The following SYNRG variants were observed in gnomAD, a reference collection of about 807,000 sequenced individuals.
SYNRG encodes the protein AP1 gamma subunit binding protein 1.
A neutral mutation model predicts 130.9 loss-of-function variants in SYNRG; 37 were observed. The ratio of observed to expected loss-of-function variants is 0.28; its 90% CI spans 0.22 to 0.37. SYNRG has a LOEUF of 0.37. SYNRG is among the 10% of genes least tolerant of loss of function. The probability of loss-of-function intolerance (pLI) is 1.00; values close to 1 mark genes in which losing one functional copy is unlikely to be tolerated. For synonymous variants in SYNRG, 539 were observed against 568.1 expected, an observed-to-expected ratio of 0.95 and a Z score of 0.73; for missense variants, 1,338 against 1,588.9, an observed-to-expected ratio of 0.84 and a Z score of 2.68.
chr17:37,522,434 G>A (rs1254085531), intron 19 of SYNRG, among the ~76,000 whole-genome samples: 3 of 152,038 alleles, frequency 2.0e-5, no homozygotes, highest in South Asian at 2.1e-4. Flanking sequence ...TTACAGGCAT[G>A]AGCCACTGTG....
intron 1 of SYNRG, among the ~76,000 whole-genome samples, chr17:37,602,741 G>C (rs560845140): frequency 2.6e-5 from 4 of 151,884 alleles, no homozygotes; most frequent in Non-Finnish European, 5.9e-5. Context: ...GAGCAAAAGG[G>C]GGCCAGATGA....
At chr17:37,560,400 A>T (rs1464318310) in intron 13 of SYNRG, among the ~76,000 whole-genome samples, 3 of 147,088 alleles carry the variant, frequency 2.0e-5, no homozygotes, top group Non-Finnish European at 4.4e-5. Context: ...CAGTGGCATG[A>T]TCTTGGTTCA....
chr17:37,573,812 T>C (rs1026691700), intron 8 of SYNRG, among the ~76,000 whole-genome samples: 4 of 152,200 alleles, frequency 2.6e-5, no homozygotes, highest in Non-Finnish European at 5.9e-5. Flanking sequence ...AAAATGTCCA[T>C]AGTACCCAAA....
chr17:37,600,688 TGA>T (rs373039192), intron 1 of SYNRG: 9 of 529,834 alleles, frequency 1.7e-5, no homozygotes, highest in African/African-American at 7.7e-5. Flanking sequence ...ATCTATAAAA[TGA>T]GAGAGTTTAG....
rs2060386761 is a variant in SYNRG, at chr17:37,570,946, G to A, written c.1099-61C>T. 3.9e-6 allele frequency: 6 copies of A among 1,530,672 alleles called. No homozygotes were observed. The South Asian group carries it at 5.1e-5, about 13-fold the overall frequency. The allele number at this position is 1,530,672 out of a possible 1,614,324, so 94.8% of individuals were successfully genotyped here. ...GTAAACCACATACGGTCGAAATCTG[G>A]CAGAGACCGAAAGGTAAAAAAATCT... On this transcript the variant is annotated intron_variant, in intron 9 of 21. Coordinates refer to ENST00000612223, the MANE Select transcript of SYNRG (RefSeq NM_007247.6).
intron 6 of SYNRG, among the ~76,000 whole-genome samples, chr17:37,580,538 G>A (rs1373758851): frequency 1.9e-5 from 2 of 106,514 alleles, no homozygotes; most frequent in African/African-American, 3.6e-5. Flanking sequence ...AGAGAGAGAC[G>A]GAGTCTTGCT....
intron 13 of SYNRG, among the ~76,000 whole-genome samples, chr17:37,557,748 G>A (rs1317080773): frequency 2.0e-5 from 3 of 152,080 alleles, no homozygotes; most frequent in Non-Finnish European, 4.4e-5. Flanking sequence ...CACTTGGGAC[G>A]GAGGCTGAGG....
At chr17:37,581,274 CTATTATTAT>C (rs34565960) in intron 6 of SYNRG, among the ~76,000 whole-genome samples, 1 of 149,522 alleles carries the variant, frequency 6.7e-6, no homozygotes, top group Non-Finnish European at 1.5e-5. Flanking sequence ...ATTATTATTA[CTATTATTAT>C]TATTATTATT....
At chr17:37,606,492 G>A (rs1462834561) in intron 1 of SYNRG, among the ~76,000 whole-genome samples, 1 of 152,148 alleles carries the variant, frequency 6.6e-6, no homozygotes, top group Middle Eastern at 3.2e-3. Context: ...ACTTTACTTT[G>A]TACCACAGTT....
At chr17:37,551,875 C>CAA (rs11401626) in intron 14 of SYNRG, among the ~76,000 whole-genome samples, 31 of 86,040 alleles carry the variant, frequency 3.6e-4, no homozygotes, top group African/African-American at 8.9e-4. Flanking sequence ...AGGAAAAGTA[C>CAA]AAAAAAAAAA....
At chr17:37,567,133 A>C (rs2060056426) in intron 11 of SYNRG, 1 of 152,270 alleles carries the variant, frequency 6.6e-6, no homozygotes, top group South Asian at 2.1e-4. Flanking sequence ...GAATGGATAA[A>C]GCTTGAAAGA....
At chr17:37,561,340 CAA>C in intron 12 of SYNRG, 83 bp from the exon 13 acceptor site, 1 of 1,497,374 alleles carries the variant, frequency 6.7e-7, no homozygotes, top group Non-Finnish European at 9.3e-7. Flanking sequence ...TTGGTTTAAC[CAA>C]ACACTATTAA....
chr17:37,569,864 C>T (rs1436392366), intron 10 of SYNRG, among the ~76,000 whole-genome samples: 1 of 152,154 alleles, frequency 6.6e-6, no homozygotes, highest in Admixed American at 6.5e-5. Flanking sequence ...AATGAGATTA[C>T]ACTATATTGC....
chr17:37,565,893 A>G (rs532182360), intron 11 of SYNRG, among the ~76,000 whole-genome samples: 1 of 139,470 alleles, frequency 7.2e-6, no homozygotes, highest in Non-Finnish European at 1.5e-5. Flanking sequence ...CCCGGCAGCC[A>G]CCCCGTCCGG....
chr17:37,608,724 C>T (rs987199814), intron 1 of SYNRG, among the ~76,000 whole-genome samples: 6 of 152,160 alleles, frequency 3.9e-5, no homozygotes, highest in Non-Finnish European at 8.8e-5. Flanking sequence ...AAGACCATTA[C>T]TAATTCAGAG....
At chr17:37,580,670 G>A (rs1160842095) in intron 6 of SYNRG, among the ~76,000 whole-genome samples, 1 of 152,088 alleles carries the variant, frequency 6.6e-6, no homozygotes, top group Non-Finnish European at 1.5e-5. Flanking sequence ...AAGTAGCTGG[G>A]GCTACAGGTG....
Position 37,584,746 on chromosome 17 carries a change from C to G in SYNRG, c.491G>C (p.Ser164Thr), listed in dbSNP as rs1357071568. The change falls in exon 6 of 22, where the codon AGT (serine) becomes ACT (threonine). Residue 164 changes from serine (S) to threonine (T), a missense_variant. Transcript: ENST00000612223. ...SSVKPKTGEK[S>T]RDDALEAIKG... ...TATGGCTTCCAAAGCATCATCTCTA[C>G]TCTTCTCTCCTGTCTAAGAGACAAC... is the stretch of plus-strand genomic sequence containing the variant. 1 of 1,612,426 alleles carries G rather than the reference C, an allele frequency of 6.2e-7. No homozygotes were observed.
intron 1 of SYNRG, among the ~76,000 whole-genome samples, chr17:37,601,637 T>C (rs1339621861): frequency 1.3e-5 from 2 of 152,122 alleles, no homozygotes; most frequent in African/African-American, 4.8e-5. Context: ...AGCTCTCTTC[T>C]AAGGTTTTTT....
At position 37,518,940 on chromosome 17, in the gene SYNRG, T is replaced by C; in HGVS notation, c.3945A>G (p.Ter1315TrpextTer5). The C allele has an allele frequency of 6.2e-7, 1 of 1,612,824 alleles. No individual in the cohort carries two copies. The highest frequency in any genetic ancestry group is 8.5e-7 in the Non-Finnish European group (1 of 1,179,616). ...AGTCAATGCTTCACAGAGGAGTTGTTCAGAGCAGGTCAGGCAGGACGAGGC... is the reference window on the plus strand; with the variant it reads ...AGTCAATGCTTCACAGAGGAGTTGTCCAGAGCAGGTCAGGCAGGACGAGGC... ...PPGLVLPDLL[*>W] is the part of the protein sequence containing the mutation. Residue 1315 changes from the stop codon to tryptophan (W), a stop_lost, in exon 22 of 22, where the codon TGA becomes TGG. Coordinates refer to ENST00000612223, the MANE Select transcript of SYNRG (RefSeq NM_007247.6).
Sources: allele counts gnomAD v4.1 joint callset (sites outside exome capture counted in the v4.1 genomes callset), GRCh38; gene constraint gnomAD v4.1.1; transcripts MANE v1.5; gene names NCBI Gene and HGNC (gene_info 2026-07-23, HGNC 2026-07-21).